The following DNM3 variants were observed in gnomAD, a reference collection of about 807,000 sequenced individuals.
DNM3 encodes the protein dynamin 3.
In DNM3, 47 loss-of-function variants were observed where a neutral mutation model predicts 101.6. The observed-to-expected ratio is 0.46, with a 90% CI of 0.37 to 0.59. The LOEUF (loss-of-function observed/expected upper bound fraction) is 0.59. Ranked by LOEUF, DNM3 falls within the 20% of genes least tolerant of loss-of-function variation. DNM3 has a pLI of 0.00. For synonymous variants in DNM3, 385 were observed against 387.9 expected (o/e 0.99, Z 0.09); for missense variants, 849 against 1,085.7 (o/e 0.78, Z 3.06).
chr1:171,998,508 G>C (rs1349458484), intron 4 of DNM3, among the ~76,000 whole-genome samples: 1 of 152,028 alleles, frequency 6.6e-6, no homozygotes, highest in Non-Finnish European at 1.5e-5. Flanking sequence ...CTAGTTGCTT[G>C]TTCATTTATT....
intron 1 of DNM3, among the ~76,000 whole-genome samples, chr1:171,862,667 T>C (rs946334012): frequency 6.6e-6 from 1 of 152,178 alleles, no homozygotes; most frequent in Non-Finnish European, 1.5e-5. Flanking sequence ...TGGTGTTTTA[T>C]AATATCATGA....
intron 2 of DNM3, among the ~76,000 whole-genome samples, chr1:171,977,100 A>G (rs527409767): frequency 6.6e-6 from 1 of 152,350 alleles, no homozygotes; most frequent in East Asian, 1.9e-4. Flanking sequence ...GAATTAGTAC[A>G]TTCAATTATT....
intron 2 of DNM3, among the ~76,000 whole-genome samples, chr1:171,932,695 T>G (rs2125374111): frequency 6.6e-6 from 1 of 152,364 alleles, no homozygotes; most frequent in African/African-American, 2.4e-5. Context: ...ATTAACCATC[T>G]TATTCTACAT....
At chr1:172,253,534 CCTCT>C (rs2062271845) in intron 14 of DNM3, 35 bp from the exon 15 acceptor site, 11 of 904,418 alleles carry the variant, frequency 1.2e-5, no homozygotes, top group African/African-American at 2.0e-5. Context: ...CCTCTCCTCT[CCTCT>C]CCTCTCCCTC....
chr1:172,252,743 T>C (rs984435110), intron 14 of DNM3, among the ~76,000 whole-genome samples: 31 of 152,172 alleles, frequency 2.0e-4, no homozygotes, highest in African/African-American at 6.5e-4. Flanking sequence ...ATATTGCCCG[T>C]GGGCCAGTCC....
intron 4 of DNM3, among the ~76,000 whole-genome samples, chr1:172,010,192 C>T (rs1338529056): frequency 4.6e-5 from 7 of 151,674 alleles, no homozygotes; most frequent in East Asian, 3.9e-4. Flanking sequence ...AAATGACACC[C>T]GGAAAGCATT....
chr1:171,978,388 A>C (rs1299961433), intron 2 of DNM3, among the ~76,000 whole-genome samples: 1 of 152,206 alleles, frequency 6.6e-6, no homozygotes, highest in African/African-American at 2.4e-5. Context: ...AGGGACAAAC[A>C]TTCCAGAAGA....
intron 10 of DNM3, among the ~76,000 whole-genome samples, chr1:172,057,981 C>A (rs9662115): frequency 0.25 from 29,481 of 119,360 alleles, 4,040 homozygotes; most frequent in East Asian, 0.53. Flanking sequence ...ATAGGCTCAA[C>A]ATGAAAGGAT....
At chr1:171,892,822 A>AACTACCCTCTCCCCTTACCCC (rs1558223633) in intron 1 of DNM3, among the ~76,000 whole-genome samples, 1 of 152,076 alleles carries the variant, frequency 6.6e-6, no homozygotes, top group Admixed American at 6.5e-5. Context: ...CCTAAGGCGC[A>AACTACCCTCTCCCCTTACCCC]TGCAACCTAG....
chr1:171,854,973 T>C (rs2033438934), intron 1 of DNM3, among the ~76,000 whole-genome samples: 1 of 152,176 alleles, frequency 6.6e-6, no homozygotes, highest in Non-Finnish European at 1.5e-5. Context: ...AGATTATTTC[T>C]TCACCCAGGT....
intron 4 of DNM3, among the ~76,000 whole-genome samples, chr1:172,010,357 C>T (rs2047024368): frequency 6.6e-6 from 1 of 151,758 alleles, no homozygotes. Context: ...GCTTGAAGAA[C>T]TTACAATTTC....
At chr1:172,256,734 T>C (rs535622606) in intron 15 of DNM3, among the ~76,000 whole-genome samples, 91 of 152,054 alleles carry the variant, frequency 6.0e-4, no homozygotes, top group African/African-American at 2.1e-3. Context: ...TTAGGTCTTT[T>C]CAAACTTCTT....
At chr1:172,124,873 G>T (rs1201109724) in intron 13 of DNM3, among the ~76,000 whole-genome samples, 1 of 152,196 alleles carries the variant, frequency 6.6e-6, no homozygotes, top group Admixed American at 6.6e-5. Context: ...TGCCAGGCCT[G>T]TAAATGGGAA....
At chr1:171,944,332 A>G (rs973395363) in intron 2 of DNM3, among the ~76,000 whole-genome samples, 2 of 151,000 alleles carry the variant, frequency 1.3e-5, no homozygotes, top group African/African-American at 4.9e-5. Context: ...GCCAACTTTT[A>G]AACAATGTAT....
chr1:172,363,811 A>C (rs1431350689), intron 17 of DNM3, among the ~76,000 whole-genome samples: 1 of 151,770 alleles, frequency 6.6e-6, no homozygotes. Context: ...ATTTGTTACC[A>C]TGTCCTCCCC....
chr1:172,012,998 A>G (rs1434284075), intron 4 of DNM3, among the ~76,000 whole-genome samples: 1 of 151,834 alleles, frequency 6.6e-6, no homozygotes, highest in African/African-American at 2.4e-5. Context: ...ATTTCAAATC[A>G]CCCTCCCTGA....
intron 15 of DNM3, among the ~76,000 whole-genome samples, chr1:172,298,052 A>G (rs868030892): frequency 2.6e-5 from 4 of 152,112 alleles, no homozygotes; most frequent in African/African-American, 9.7e-5. Flanking sequence ...TCTAGTCTCA[A>G]CAATGATCAG....
chr1:172,041,943 A>G (rs2049423151), intron 7 of DNM3, 66 bp from the exon 8 acceptor site: 7 of 1,487,646 alleles, frequency 4.7e-6, no homozygotes, highest in Non-Finnish European at 5.4e-6. Context: ...AATCATAGGA[A>G]AAGAAAATGA....
intron 14 of DNM3, among the ~76,000 whole-genome samples, chr1:172,168,602 T>A (rs1253809471): frequency 2.0e-5 from 3 of 151,940 alleles, no homozygotes. Flanking sequence ...GTATATGGGA[T>A]CCTGAGAGAC....
Sources: gnomAD v4.1 joint callset for allele counts (sites outside exome capture counted in the v4.1 genomes callset) on GRCh38, gnomAD v4.1.1 for gene constraint, MANE v1.5 for transcripts, NCBI Gene and HGNC (gene_info 2026-07-23, HGNC 2026-07-21) for gene names.